MYO16: variants seen among roughly 807,000 people sequenced by gnomAD.
MYO16 encodes the protein myosin XVI.
Under a neutral mutation model 205.3 loss-of-function variants are expected in MYO16, and 94 were observed. The ratio of observed to expected loss-of-function variants is 0.46; its 90% CI spans 0.39 to 0.54. The LOEUF (loss-of-function observed/expected upper bound fraction) is 0.54. MYO16 is among the 20% of genes least tolerant of loss of function. The pLI, the probability that MYO16 is intolerant of heterozygous loss-of-function variation, is 0.00. For missense variants in MYO16, 2,315 were observed against 2,387.5 expected (o/e 0.97, Z 0.63); for synonymous variants, 988 against 954.0 (o/e 1.04, Z -0.66).
At chr13:108,866,577 C>T (rs547998086) in intron 12 of MYO16, among the ~76,000 whole-genome samples, 7 of 152,072 alleles carry the variant, frequency 4.6e-5, no homozygotes, top group Non-Finnish European at 7.4e-5. Flanking sequence ...TATTTGGACA[C>T]GTGACTTATT....
chr13:109,004,452 A>G (rs2139468556), intron 21 of MYO16, among the ~76,000 whole-genome samples: 1 of 152,324 alleles, frequency 6.6e-6, no homozygotes, highest in African/African-American at 2.4e-5. Context: ...GCATCAAAAT[A>G]TTATTTCTGA....
the MYO16 span, among the ~76,000 whole-genome samples, chr13:108,588,312 G>A: frequency 1.3e-5 from 2 of 152,156 alleles, no homozygotes; most frequent in Non-Finnish European, 2.9e-5. Flanking sequence ...TGACAAATGT[G>A]GCTATTTCCT....
chr13:108,773,225 G>A (rs1008348676), intron 4 of MYO16, among the ~76,000 whole-genome samples: 12 of 152,134 alleles, frequency 7.9e-5, no homozygotes, highest in Non-Finnish European at 1.3e-4. Flanking sequence ...TAAAATGTTA[G>A]CATATAAATT....
intron 20 of MYO16, among the ~76,000 whole-genome samples, chr13:108,968,677 A>C (rs1208694950): frequency 6.6e-6 from 1 of 152,102 alleles, no homozygotes; most frequent in African/African-American, 2.4e-5. Context: ...CAAAATAGCA[A>C]TTTGATGAGT....
chr13:108,711,471 G>A (rs771774718), intron 2 of MYO16, among the ~76,000 whole-genome samples: 12 of 152,232 alleles, frequency 7.9e-5, no homozygotes, highest in Admixed American at 2.0e-4. Context: ...TAAGGAAAGC[G>A]TGGCCAGGAT....
chr13:109,006,075 A>G (rs927177706), intron 21 of MYO16, among the ~76,000 whole-genome samples: 10 of 152,130 alleles, frequency 6.6e-5, no homozygotes, highest in Admixed American at 5.9e-4. Context: ...TATGGGCTAG[A>G]AGGAGGACAT....
the MYO16 span, among the ~76,000 whole-genome samples, chr13:108,551,301 C>G: frequency 2.0e-5 from 3 of 152,180 alleles, no homozygotes; most frequent in South Asian, 2.1e-4. Flanking sequence ...AGAGTCCCTC[C>G]TCCTGTAGCT....
intron 16 of MYO16, among the ~76,000 whole-genome samples, chr13:108,950,415 G>A (rs893738264): frequency 1.3e-5 from 2 of 152,060 alleles, no homozygotes; most frequent in Non-Finnish European, 2.9e-5. Context: ...ATGAATATAC[G>A]GATAGCACAT....
intron 2 of MYO16, among the ~76,000 whole-genome samples, chr13:108,677,975 CA>C (rs2139461156): frequency 6.6e-6 from 1 of 152,294 alleles, no homozygotes; most frequent in South Asian, 2.1e-4. Flanking sequence ...AGGAAAAAGG[CA>C]CAATCTGTCA....
At chr13:108,735,761 A>C (rs1433513287) in intron 4 of MYO16, among the ~76,000 whole-genome samples, 1 of 151,486 alleles carries the variant, frequency 6.6e-6, no homozygotes, top group Non-Finnish European at 1.5e-5. Flanking sequence ...TCCCACCAAC[A>C]GTGTAAAAAT....
intron 6 of MYO16, among the ~76,000 whole-genome samples, chr13:108,806,293 A>T (rs561729337): frequency 9.2e-5 from 14 of 152,318 alleles, no homozygotes; most frequent in African/African-American, 3.4e-4. Context: ...TTTCTATAGC[A>T]CTAATACAAT....
At chr13:108,768,882 A>C (rs4122893) in intron 4 of MYO16, among the ~76,000 whole-genome samples, 74,192 of 151,550 alleles carry the variant, frequency 0.49, 19,616 homozygotes, top group East Asian at 0.63. Context: ...AAACCCTTGA[A>C]CAGATAATTT....
At chr13:108,959,436 G>A (rs1181870898) in intron 17 of MYO16, among the ~76,000 whole-genome samples, 1 of 152,186 alleles carries the variant, frequency 6.6e-6, no homozygotes, top group Non-Finnish European at 1.5e-5. Context: ...ATTCATGACT[G>A]ATCCTCAAAG....
intron 29 of MYO16, among the ~76,000 whole-genome samples, chr13:109,121,208 T>C (rs1276905752): frequency 6.6e-6 from 1 of 152,164 alleles, no homozygotes; most frequent in Non-Finnish European, 1.5e-5. Flanking sequence ...TTCTTGGCTG[T>C]TCCAGGCCTG....
intron 2 of MYO16, among the ~76,000 whole-genome samples, chr13:108,681,682 TG>T (rs1316945933): frequency 6.6e-6 from 1 of 150,518 alleles, no homozygotes; most frequent in Non-Finnish European, 1.5e-5. Context: ...GCTATGGGGG[TG>T]GGGGTGGTAA....
chr13:108,748,929 G>A (rs4771599), intron 4 of MYO16, among the ~76,000 whole-genome samples: 68,128 of 151,744 alleles, frequency 0.45, 15,428 homozygotes, highest in East Asian at 0.55. Context: ...AGGTTTTTAT[G>A]TATATGCTAA....
chr13:109,061,643 A>G (rs569665681), intron 27 of MYO16, among the ~76,000 whole-genome samples: 4 of 152,310 alleles, frequency 2.6e-5, no homozygotes, highest in South Asian at 2.1e-4. Context: ...ACGCCAAAAC[A>G]ATTATAATAG....
chr13:108,637,523 G>T (rs1880310951), intron 1 of MYO16, among the ~76,000 whole-genome samples: 1 of 151,966 alleles, frequency 6.6e-6, no homozygotes, highest in African/African-American at 2.4e-5. Flanking sequence ...TATTATTCAT[G>T]ACTTCAAGAA....
chr13:108,989,464 C>G (rs1884746736), intron 20 of MYO16, among the ~76,000 whole-genome samples: 2 of 152,236 alleles, frequency 1.3e-5, no homozygotes, highest in African/African-American at 4.8e-5. Context: ...TCCAGGCCTT[C>G]TGGATATATA....
Sources: gnomAD v4.1 joint callset for allele counts (sites outside exome capture counted in the v4.1 genomes callset) on GRCh38, gnomAD v4.1.1 for gene constraint, MANE v1.5 for transcripts, NCBI Gene and HGNC (gene_info 2026-07-23, HGNC 2026-07-21) for gene names.